LRCH1: variants seen among roughly 807,000 people sequenced by gnomAD.
LRCH1 encodes the protein leucine-rich repeat and calponin homology domain-containing protein 1.
Under a neutral mutation model 94.9 loss-of-function variants are expected in LRCH1, and 23 were observed. The ratio of observed to expected loss-of-function variants is 0.24; its 90% CI spans 0.17 to 0.34. The LOEUF is 0.34. Ranked by LOEUF, LRCH1 falls within the 10% of genes least tolerant of loss-of-function variation. The probability of loss-of-function intolerance (pLI) is 1.00; values close to 1 mark genes in which losing one functional copy is unlikely to be tolerated. For missense variants in LRCH1, 790 were observed against 945.9 expected, an observed-to-expected ratio of 0.84 and a Z score of 2.16; for synonymous variants, 364 against 354.9, an observed-to-expected ratio of 1.03 and a Z score of -0.29.
intron 2 of LRCH1, among the ~76,000 whole-genome samples, chr13:46,661,759 C>T (rs2051451757): frequency 6.6e-6 from 1 of 152,148 alleles, no homozygotes; most frequent in African/African-American, 2.4e-5. Context: ...AACGCGTCTT[C>T]AAGTGGTAAA....
intron 1 of LRCH1, among the ~76,000 whole-genome samples, chr13:46,647,289 A>ATAT (rs763942758): frequency 6.6e-6 from 1 of 152,158 alleles, no homozygotes; most frequent in Non-Finnish European, 1.5e-5. Context: ...CAATGTGTTT[A>ATAT]TCAGATTTTT....
Position 46,733,993 on chromosome 13 carries a change from C to A in LRCH1, c.2080C>A (p.Pro694Thr). ...GGAAGCATGCCGAAAATTAGGAGTA[C>A]CAGAGGTAACATCAAACTTACTTCA... Reference protein sequence around the residue: ...FLEACRKLGVPEADLCSPCDI... With the variant: ...FLEACRKLGVTEADLCSPCDI... Residue 694 changes from proline to threonine, a missense_variant, in exon 19 of 20, where the codon CCA becomes ACA. Transcript: ENST00000389797. 6.4e-7 allele frequency: 1 copy of A among 1,574,036 alleles called. No homozygotes were observed. Among genetic ancestry groups the A allele is most frequent in the Non-Finnish European group, 8.7e-7 (1 of 1,150,254 alleles).
chr13:46,671,040 C>T (rs1200027659), intron 3 of LRCH1, among the ~76,000 whole-genome samples: 3 of 152,190 alleles, frequency 2.0e-5, no homozygotes, highest in Non-Finnish European at 2.9e-5. Flanking sequence ...GTGGTCAGGC[C>T]CCTGCTCACC....
chr13:46,569,988 T>G (rs936921268), intron 1 of LRCH1, among the ~76,000 whole-genome samples: 4 of 152,226 alleles, frequency 2.6e-5, no homozygotes, highest in African/African-American at 9.6e-5. Context: ...GAGTTTATAA[T>G]GATTGAGTTG....
At chr13:46,644,449 T>G (rs1226086694) in intron 1 of LRCH1, among the ~76,000 whole-genome samples, 1 of 152,196 alleles carries the variant, frequency 6.6e-6, no homozygotes, top group Non-Finnish European at 1.5e-5. Context: ...CCATCCTTAG[T>G]GTACGTTGAG....
At chr13:46,710,177 G>A (rs9534471) in intron 13 of LRCH1, among the ~76,000 whole-genome samples, 23,338 of 152,080 alleles carry the variant, frequency 0.15, 1,933 homozygotes, top group African/African-American at 0.22. Flanking sequence ...TGAAAAATTT[G>A]CAGAAGAAAT....
chr13:46,572,707 G>C (rs1447674196), intron 1 of LRCH1, among the ~76,000 whole-genome samples: 1 of 152,108 alleles, frequency 6.6e-6, no homozygotes, highest in Non-Finnish European at 1.5e-5. Flanking sequence ...ACATTGCAAA[G>C]ACTTTAAAAA....
At chr13:46,643,174 G>A (rs975311632) in intron 1 of LRCH1, among the ~76,000 whole-genome samples, 3 of 152,250 alleles carry the variant, frequency 2.0e-5, no homozygotes, top group East Asian at 1.9e-4. Flanking sequence ...TTTGGTTGCC[G>A]TTCAAGACAA....
chr13:46,619,561 G>A (rs7335684), intron 1 of LRCH1, among the ~76,000 whole-genome samples: 119,670 of 152,128 alleles, frequency 0.79, 47,189 homozygotes, highest in East Asian at 0.91. Context: ...GACAGAGGCA[G>A]AGAGAGATGG....
intron 11 of LRCH1, among the ~76,000 whole-genome samples, chr13:46,701,814 A>G (rs1416201524): frequency 7.9e-5 from 12 of 152,258 alleles, no homozygotes; most frequent in Non-Finnish European, 4.4e-5. Context: ...AATAGCAGGT[A>G]TCATGTATCG....
chr13:46,568,184 C>G (rs2050205523), intron 1 of LRCH1, among the ~76,000 whole-genome samples: 1 of 152,184 alleles, frequency 6.6e-6, no homozygotes. Flanking sequence ...CTGGGAACAT[C>G]ATAAGAGGTG....
At chr13:46,665,149 A>T (rs934327079) in intron 2 of LRCH1, among the ~76,000 whole-genome samples, 49 of 152,342 alleles carry the variant, frequency 3.2e-4, no homozygotes, top group African/African-American at 1.1e-3. Context: ...AGTAGAATTT[A>T]AAAATGTGGG....
In LRCH1 at chr13:46,553,227, T is replaced by TCC; in HGVS notation, c.-167_-166dup. 4 of 414,402 alleles carry TCC rather than the reference T, an allele frequency of 9.7e-6. No homozygotes were observed. The highest frequency in any genetic ancestry group is 4.4e-6 in the Non-Finnish European group (1 of 225,706). The allele number at this position is 414,402 out of a possible 1,614,324, so 25.7% of individuals were successfully genotyped here. A position where few individuals can be genotyped will look rare whatever the true frequency, so the allele number is the denominator to read the frequency against. ...TCAAGACCGAGCTGCCACGGCCGCC[T>TCC]CCCCGCCCGCCCCCCATTCTACGCG... On this transcript the variant is annotated 5_prime_UTR_variant, in exon 1 of 20. Transcript: ENST00000389797.
At chr13:46,656,211 CT>C (rs1215789255) in intron 2 of LRCH1, among the ~76,000 whole-genome samples, 2 of 152,190 alleles carry the variant, frequency 1.3e-5, no homozygotes, top group African/African-American at 4.8e-5. Flanking sequence ...AGACTTTATA[CT>C]TTTTTTGTTG....
chr13:46,665,196 T>C (rs2051499335), intron 2 of LRCH1, among the ~76,000 whole-genome samples: 1 of 152,166 alleles, frequency 6.6e-6, no homozygotes, highest in Non-Finnish European at 1.5e-5. Context: ...TGTAAGAACA[T>C]AGCATGTCTT....
chr13:46,621,072 T>C (rs1196590160), intron 1 of LRCH1, among the ~76,000 whole-genome samples: 3 of 152,208 alleles, frequency 2.0e-5, no homozygotes, highest in Non-Finnish European at 2.9e-5. Context: ...ACCAAGATGT[T>C]TGGGGTCCCA....
intron 10 of LRCH1, among the ~76,000 whole-genome samples, chr13:46,700,387 A>G (rs1386428002): frequency 6.6e-6 from 1 of 152,164 alleles, no homozygotes; most frequent in Non-Finnish European, 1.5e-5. Flanking sequence ...CTCTCTGGTC[A>G]CGGTCTGTAT....
chr13:46,670,969 A>G (rs542108674), intron 3 of LRCH1, among the ~76,000 whole-genome samples: 4 of 152,288 alleles, frequency 2.6e-5, no homozygotes, highest in Non-Finnish European at 4.4e-5. Flanking sequence ...CACCCTCCTC[A>G]TGCCCACTGC....
At position 46,728,980 on chromosome 13, in the gene LRCH1, C is replaced by CGGTTGTAAGTA; in HGVS notation, c.2004_2007+7dup. On this transcript the variant is annotated frameshift_variant, in exon 18 of 20. Transcript: ENST00000389797. LOFTEE classifies it high-confidence loss of function. The stretch of plus-strand genomic sequence containing the variant: ...GCAAGCATCCATGTCCCATCACCAG[C>CGGTTGTAAGTA]GGTTGTAAGTAACACCAAAGGGAAA... The CGGTTGTAAGTA allele has an allele frequency of 6.2e-7, 1 of 1,611,894 alleles. No individual in the cohort carries two copies. The highest frequency in any genetic ancestry group is 8.5e-7 in the Non-Finnish European group (1 of 1,178,772).
Sources: allele counts gnomAD v4.1 joint callset (sites outside exome capture counted in the v4.1 genomes callset), GRCh38; gene constraint gnomAD v4.1.1; transcripts MANE v1.5; gene names NCBI Gene and HGNC (gene_info 2026-07-23, HGNC 2026-07-21).